PLCL1: variants seen among roughly 807,000 people sequenced by gnomAD.
PLCL1 encodes phospholipase C like 1 (inactive), also known as inactive phospholipase C-like protein 1.
In PLCL1, 41 loss-of-function variants were observed where a neutral mutation model predicts 84.4. The ratio of observed to expected loss-of-function variants is 0.49; its 90% CI spans 0.38 to 0.63. PLCL1 has a LOEUF of 0.63. Among genes scored for constraint, PLCL1 ranks in the 30% least tolerant of loss-of-function variants. The pLI is 0.00. For missense variants in PLCL1, 1,206 were observed against 1,367.8 expected, an observed-to-expected ratio of 0.88 and a Z score of 1.87; for synonymous variants, 490 against 488.3, an observed-to-expected ratio of 1.00 and a Z score of -0.05.
intron 5 of PLCL1, among the ~76,000 whole-genome samples, chr2:198,131,167 G>A (rs934036739): frequency 6.6e-6 from 1 of 152,128 alleles, no homozygotes; most frequent in Admixed American, 6.5e-5. Flanking sequence ...CCTTGAAAGT[G>A]TGTAACCCTG....
Position 197,850,031 on chromosome 2 carries a change from G to GACACACACACACACACACAC in PLCL1, c.240+44721_240+44740dup, listed in dbSNP as rs5837563. Among the ~76,000 whole-genome samples the GACACACACACACACACACAC allele has an allele frequency of 6.2e-4, 84 of 135,004 alleles. 1 individual carries two copies. The highest frequency in any genetic ancestry group is 1.5e-3 in the African/African-American group (57 of 36,958). The allele number at this position is 135,004 out of a possible 152,430, so 88.6% of individuals were successfully genotyped here. ...ACACACAGACACACAGACACACACAGACACACACACACACACACACACACA... is the reference window on the plus strand; with the variant it reads ...ACACACAGACACACAGACACACACAGACACACACACACACACACACACACACACACACACACACACACACA... On this transcript the variant is annotated intron_variant, in intron 1 of 5. Coordinates refer to ENST00000428675, the MANE Select transcript of PLCL1 (RefSeq NM_006226.4).
At chr2:198,091,637 G>A (rs555919865) in intron 3 of PLCL1, among the ~76,000 whole-genome samples, 15 of 150,690 alleles carry the variant, frequency 1.0e-4, no homozygotes, top group South Asian at 4.2e-4. Context: ...CCGAGACTGC[G>A]CCATCGCACT....
chr2:197,934,209 A>G (rs188208137), intron 1 of PLCL1, among the ~76,000 whole-genome samples: 8 of 152,242 alleles, frequency 5.3e-5, no homozygotes, highest in African/African-American at 1.9e-4. Context: ...TTTGTTAGGT[A>G]CCTTCTAGGT....
intron 1 of PLCL1, among the ~76,000 whole-genome samples, chr2:197,813,915 G>T (rs1312131548): frequency 1.3e-5 from 2 of 152,114 alleles, no homozygotes; most frequent in Non-Finnish European, 1.5e-5. Context: ...TAAAATAGCA[G>T]ATTTTTTATT....
At chr2:198,003,049 A>G (rs76185770) in intron 1 of PLCL1, among the ~76,000 whole-genome samples, 8,591 of 152,144 alleles carry the variant, frequency 0.056, 822 homozygotes, top group African/African-American at 0.2. Context: ...AGATGGATGT[A>G]CTGTCCGCCC....
At chr2:197,978,746 C>T (rs1054170428) in intron 1 of PLCL1, among the ~76,000 whole-genome samples, 3 of 152,244 alleles carry the variant, frequency 2.0e-5, no homozygotes, top group Non-Finnish European at 4.4e-5. Flanking sequence ...TGGGAACCAA[C>T]CCTGGCCAGG....
chr2:197,901,058 T>C (rs1688255994), intron 1 of PLCL1, among the ~76,000 whole-genome samples: 1 of 152,208 alleles, frequency 6.6e-6, no homozygotes, highest in Non-Finnish European at 1.5e-5. Context: ...AGTGATGTCT[T>C]TTGGGATCGA....
In PLCL1 at chr2:198,004,303, G is replaced by A. The variant is rs13388318; in HGVS notation, c.241-79455G>A. ...TTGAGAAGAGTTACAGGGAAGTTTA[G>A]TGGATTAGTCATTCAGTTCCTTGAT... On this transcript the variant is annotated intron_variant, in intron 1 of 5. Coordinates refer to ENST00000428675, the MANE Select transcript of PLCL1 (RefSeq NM_006226.4). Among the ~76,000 whole-genome samples, 59 of 152,294 alleles carry A rather than the reference G, an allele frequency of 3.9e-4. 1 individual carries two copies. Among genetic ancestry groups the A allele is most frequent in the African/African-American group, 1.3e-3 (56 of 41,560 alleles).
At position 197,889,666 on chromosome 2, in the gene PLCL1, C is replaced by A. The variant is rs1002519977; in HGVS notation, c.240+84327C>A. Among the ~76,000 whole-genome samples, 7 of 152,050 alleles carry A rather than the reference C, an allele frequency of 4.6e-5. 1 individual carries two copies. The highest frequency in any genetic ancestry group is 4.6e-4 in the Admixed American group (7 of 15,250). On this transcript the variant is annotated intron_variant, in intron 1 of 5. Transcript: ENST00000428675. ...TATATTTAAAGCATTCAAAGTTGAT[C>A]CAAACTATAATAAAATCCTAGCATG...
At chr2:197,971,036 C>T (rs1689853240) in intron 1 of PLCL1, among the ~76,000 whole-genome samples, 1 of 152,180 alleles carries the variant, frequency 6.6e-6, no homozygotes. Context: ...AAATACTTCT[C>T]CTGATGAAAT....
chr2:197,851,592 A>G (rs1030820404), intron 1 of PLCL1, among the ~76,000 whole-genome samples: 6 of 152,256 alleles, frequency 3.9e-5, no homozygotes, highest in Non-Finnish European at 5.9e-5. Context: ...ATCTGGGTAC[A>G]AGTGATAAGA....
intron 5 of PLCL1, among the ~76,000 whole-genome samples, chr2:198,122,620 T>TA (rs1299947973): frequency 6.6e-6 from 1 of 152,232 alleles, no homozygotes; most frequent in East Asian, 1.9e-4. Flanking sequence ...TTCTATTCAA[T>TA]AAACTAGAGA....
intron 2 of PLCL1, among the ~76,000 whole-genome samples, chr2:198,088,336 A>G (rs939819656): frequency 1.2e-4 from 19 of 152,346 alleles, no homozygotes; most frequent in African/African-American, 4.3e-4. Flanking sequence ...TAAAATAGTC[A>G]TAATTTCTAT....
intron 1 of PLCL1, among the ~76,000 whole-genome samples, chr2:197,876,475 G>A (rs1374949691): frequency 6.6e-6 from 1 of 151,874 alleles, no homozygotes; most frequent in African/African-American, 2.4e-5. Flanking sequence ...AAGAAACTTT[G>A]TATTCTTAGA....
intron 1 of PLCL1, among the ~76,000 whole-genome samples, chr2:197,867,608 A>G (rs1687574180): frequency 1.3e-5 from 2 of 152,122 alleles, no homozygotes; most frequent in African/African-American, 4.8e-5. Context: ...GAGAACTTTC[A>G]TATGCTAAGG....
In PLCL1 at chr2:197,958,485, C is replaced by T. The variant is rs190214959; in HGVS notation, c.241-125273C>T. Among the ~76,000 whole-genome samples the T allele has an allele frequency of 2.6e-5, 4 of 152,132 alleles. No homozygotes were observed. The East Asian group carries it at 7.7e-4, about 29-fold the overall frequency. On this transcript the variant is annotated intron_variant, in intron 1 of 5. Transcript: ENST00000428675. ...ACAGGCCATGGGTTAGACAAGTTTG[C>T]TCCAAACTAAACTATACACCTTATT...
chr2:198,132,294 G>T (rs59430064), intron 5 of PLCL1, among the ~76,000 whole-genome samples: 1,699 of 152,230 alleles, frequency 0.011, 14 homozygotes, highest in African/African-American at 0.022. Flanking sequence ...TGTGGTGGTT[G>T]GTTCTTACCT....
At chr2:197,923,258 A>ACCC (rs1229801790) in intron 1 of PLCL1, among the ~76,000 whole-genome samples, 3 of 110,846 alleles carry the variant, frequency 2.7e-5, no homozygotes, top group South Asian at 3.3e-4. Context: ...CGGGGGGCTG[A>ACCC]CCCCCCCCAC....
intron 1 of PLCL1, among the ~76,000 whole-genome samples, chr2:198,036,210 C>T (rs1253645021): frequency 1.3e-5 from 2 of 152,136 alleles, no homozygotes; most frequent in Non-Finnish European, 2.9e-5. Flanking sequence ...ACACAATTGC[C>T]TTGGTCAAAT....
Sources: gnomAD v4.1 joint callset for allele counts (sites outside exome capture counted in the v4.1 genomes callset) on GRCh38, gnomAD v4.1.1 for gene constraint, MANE v1.5 for transcripts, NCBI Gene and HGNC (gene_info 2026-07-23, HGNC 2026-07-21) for gene names.